Variants in NUFIP1 observed in about 807,000 individuals in gnomAD.
The protein encoded by NUFIP1 is FMR1-interacting protein NUFIP1.
A neutral mutation model predicts 56.2 loss-of-function variants in NUFIP1; 38 were observed. That is an observed-to-expected ratio of 0.68 (90% confidence interval 0.52 to 0.89). The LOEUF is 0.89. Ranked by LOEUF, NUFIP1 falls within the 40% of genes least tolerant of loss-of-function variation. NUFIP1 has a pLI of 0.00. For synonymous variants in NUFIP1, 215 were observed against 212.4 expected, an observed-to-expected ratio of 1.01 and a Z score of -0.10; for missense variants, 567 against 605.8, an observed-to-expected ratio of 0.94 and a Z score of 0.67.
At chr13:44,948,752 G>A (rs1266716617) in intron 8 of NUFIP1, among the ~76,000 whole-genome samples, 1 of 152,132 alleles carries the variant, frequency 6.6e-6, no homozygotes, top group African/African-American at 2.4e-5. Context: ...GATGCTGAAG[G>A]AAATTAAACT....
intron 5 of NUFIP1, among the ~76,000 whole-genome samples, chr13:44,976,290 G>A (rs923287526): frequency 6.6e-6 from 1 of 150,892 alleles, no homozygotes; most frequent in Non-Finnish European, 1.5e-5. Context: ...GAAAGAAGAA[G>A]GAAGGAAGGA....
intron 7 of NUFIP1, among the ~76,000 whole-genome samples, chr13:44,953,732 T>C (rs1034591652): frequency 7.2e-5 from 11 of 152,160 alleles, no homozygotes; most frequent in Admixed American, 6.6e-4. Flanking sequence ...CCAGAATCAG[T>C]CATTTCTCCA....
chr13:44,954,982 C>A (rs1871179652), intron 7 of NUFIP1, among the ~76,000 whole-genome samples: 1 of 152,218 alleles, frequency 6.6e-6, no homozygotes, highest in Admixed American at 6.5e-5. Context: ...TGCTGAGGCA[C>A]TTCAGTCACA....
intron 7 of NUFIP1, among the ~76,000 whole-genome samples, chr13:44,951,264 T>C (rs1232675551): frequency 6.6e-6 from 1 of 152,186 alleles, no homozygotes; most frequent in East Asian, 1.9e-4. Context: ...AACTGCAGCA[T>C]TTATTTCCAA....
chr13:44,970,723 G>A (rs542651525), intron 5 of NUFIP1, among the ~76,000 whole-genome samples: 13 of 152,306 alleles, frequency 8.5e-5, no homozygotes, highest in Non-Finnish European at 1.6e-4. Flanking sequence ...TGCCCAGGCT[G>A]GAGTACAGTG....
At chr13:44,950,054 AG>A (rs1256217176) in intron 7 of NUFIP1, among the ~76,000 whole-genome samples, 2 of 152,202 alleles carry the variant, frequency 1.3e-5, no homozygotes, top group Non-Finnish European at 2.9e-5. Flanking sequence ...GTGAGGGAAA[AG>A]GAAGCTATAT....
intron 7 of NUFIP1, among the ~76,000 whole-genome samples, chr13:44,951,417 ACT>A (rs559385980): frequency 1.2e-4 from 18 of 152,338 alleles, no homozygotes; most frequent in African/African-American, 3.6e-4. Flanking sequence ...CCTTAAGATA[ACT>A]ATAAATCAGT....
intron 7 of NUFIP1, among the ~76,000 whole-genome samples, chr13:44,956,003 C>T (rs1593360369): frequency 6.6e-6 from 1 of 151,532 alleles, no homozygotes; most frequent in African/African-American, 2.4e-5. Context: ...ATTAGCCGGG[C>T]GAGGTGGCGG....
At chr13:44,942,518 T>A (rs1021712235) in intron 9 of NUFIP1, among the ~76,000 whole-genome samples, 3 of 152,130 alleles carry the variant, frequency 2.0e-5, no homozygotes, top group Non-Finnish European at 4.4e-5. Flanking sequence ...ACCTCAAGAG[T>A]GTAGCCACTG....
In NUFIP1 at chr13:44,948,187, G is replaced by C. The variant is rs185154270; in HGVS notation, c.1138+1535C>G. Reference sequence around the variant, plus strand: ...TGAGCCAGAGTCTCACTGTCACCCGGGCTGGAGTACAGTGGCACAATCTCA... The same window carrying C: ...TGAGCCAGAGTCTCACTGTCACCCGCGCTGGAGTACAGTGGCACAATCTCA... On this transcript the variant is annotated intron_variant, in intron 8 of 9. Transcript: ENST00000379161. 8.5e-3 allele frequency among the ~76,000 whole-genome samples: 1,210 copies of C among 142,968 alleles called. 13 individuals are homozygous for C. The highest frequency in any genetic ancestry group is 0.012 in the South Asian group (56 of 4,586). 93.8% of individuals were successfully genotyped at this position (142,968 alleles called of 152,430 possible).
chr13:44,971,487 T>C (rs1871801679), intron 5 of NUFIP1, among the ~76,000 whole-genome samples: 1 of 152,156 alleles, frequency 6.6e-6, no homozygotes, highest in Non-Finnish European at 1.5e-5. Context: ...AACCAATCCT[T>C]TATTCAGAAG....
chr13:44,940,951 T>C lies in NUFIP1; in HGVS notation c.*255A>G. 1 of 290,214 alleles carries C rather than the reference T, an allele frequency of 3.4e-6. No individual in the cohort carries two copies. The highest frequency in any genetic ancestry group is 6.3e-6 in the Non-Finnish European group (1 of 157,700). The allele number at this position is 290,214 out of a possible 1,614,324, so 18.0% of individuals were successfully genotyped here. On this transcript the variant is annotated 3_prime_UTR_variant, in exon 10 of 10. Transcript: ENST00000379161. ...CTTACATGAGAACAATACATTAAAA[T>C]AAATACAAAGAAAAAATTCTCCCAG... is the stretch of plus-strand genomic sequence containing the variant.
At position 44,943,654 on chromosome 13, in the gene NUFIP1, C is replaced by T; in HGVS notation, c.1159G>A (p.Ala387Thr). Residue 387 changes from alanine to threonine, a missense_variant, in exon 9 of 10, where the codon GCA becomes ACA. Ala to Thr is a moderately conservative substitution (Grantham distance 58, BLOSUM62 0). Transcript: ENST00000379161. ...ACCTGGTTTTCTGCCAAAACGTCTG[C>T]TTCAGTCTTGATGGGAGTTTCTAAG... is the stretch of plus-strand genomic sequence containing the variant. ...EPEETPIKTE[A>T]DVLAENQVLD... 1.9e-6 allele frequency: 3 copies of T among 1,612,436 alleles called. No individual in the cohort carries two copies. Among genetic ancestry groups the T allele is most frequent in the Non-Finnish European group, 2.5e-6 (3 of 1,179,536 alleles).
chr13:44,943,026 A>G (rs1870796692), intron 9 of NUFIP1, among the ~76,000 whole-genome samples: 1 of 151,904 alleles, frequency 6.6e-6, no homozygotes, highest in African/African-American at 2.4e-5. Flanking sequence ...ATCCCAGAAG[A>G]TAACAAATGA....
chr13:44,972,069 C>T (rs771787158), intron 5 of NUFIP1, among the ~76,000 whole-genome samples: 1 of 152,184 alleles, frequency 6.6e-6, no homozygotes, highest in African/African-American at 2.4e-5. Context: ...ATAGGCTTAT[C>T]TTGATTTAAA....
At chr13:44,966,025 GT>G in intron 5 of NUFIP1, 89 bp from the exon 6 acceptor site, 1 of 594,386 alleles carries the variant, frequency 1.7e-6, no homozygotes. Context: ...TAGCAATTTT[GT>G]TTAACACCTA....
chr13:44,971,746 G>A (rs751895212), intron 5 of NUFIP1, among the ~76,000 whole-genome samples: 41 of 152,172 alleles, frequency 2.7e-4, no homozygotes, highest in Non-Finnish European at 5.0e-4. Context: ...ACTAGGCTAC[G>A]TGTACCTTTT....
chr13:44,950,175 A>G (rs2137895190), intron 7 of NUFIP1, among the ~76,000 whole-genome samples: 1 of 152,300 alleles, frequency 6.6e-6, no homozygotes, highest in African/African-American at 2.4e-5. Flanking sequence ...GAAGACCCAA[A>G]CTTTATTTAA....
chr13:44,987,697 C>T (rs1214157531), intron 1 of NUFIP1, among the ~76,000 whole-genome samples: 1 of 152,148 alleles, frequency 6.6e-6, no homozygotes, highest in Non-Finnish European at 1.5e-5. Flanking sequence ...ATCCCTTGGG[C>T]TTCACCCTGG....
Sources: allele counts gnomAD v4.1 joint callset (sites outside exome capture counted in the v4.1 genomes callset), GRCh38; gene constraint gnomAD v4.1.1; transcripts MANE v1.5; gene names NCBI Gene and HGNC (gene_info 2026-07-23, HGNC 2026-07-21).